Variants in CFAP299 observed in about 807,000 individuals in gnomAD.
CFAP299 encodes the protein cilia- and flagella-associated protein 299.
Under a neutral mutation model 27.0 loss-of-function variants are expected in CFAP299, and 21 were observed. The observed-to-expected ratio is 0.78, with a 90% CI of 0.55 to 1.12. The LOEUF (loss-of-function observed/expected upper bound fraction) is 1.12, where lower values mean the gene tolerates loss of function less well. CFAP299 is among the 50% of genes most tolerant of loss of function. The pLI is 0.00. For missense variants in CFAP299, 310 were observed against 276.6 expected (o/e 1.12, Z -0.86); for synonymous variants, 104 against 98.1 (o/e 1.06, Z -0.36).
intron 3 of CFAP299, among the ~76,000 whole-genome samples, chr4:80,676,848 T>A (rs1004160789): frequency 6.6e-6 from 1 of 152,138 alleles, no homozygotes; most frequent in African/African-American, 2.4e-5. Context: ...TCTCTTCTTA[T>A]GTTAGTATAG....
At chr4:80,750,483 TAC>T (rs1724873810) in intron 3 of CFAP299, among the ~76,000 whole-genome samples, 1 of 152,224 alleles carries the variant, frequency 6.6e-6, no homozygotes, top group Non-Finnish European at 1.5e-5. Context: ...CCTGTGGCTT[TAC>T]AGTCTTGGAA....
At position 80,508,372 on chromosome 4, in the gene CFAP299, G is replaced by A. The variant is rs1578531754; in HGVS notation, c.243-74721G>A. On this transcript the variant is annotated intron_variant, in intron 2 of 5. Coordinates refer to ENST00000358105, the MANE Select transcript of CFAP299 (RefSeq NM_152770.3). ...TCCCGAATTTACAACCAACTCTGTG[G>A]GATGGATTGCTCCCATATAAATAAT... is the stretch of plus-strand genomic sequence containing the variant. Among the ~76,000 whole-genome samples the A allele has an allele frequency of 2.6e-5, 4 of 152,192 alleles. No individual in the cohort carries two copies. The South Asian group carries it at 8.3e-4, about 32-fold the overall frequency.
chr4:80,462,793 A>ATTTTGCTGAGTT (rs1257538404), intron 2 of CFAP299, among the ~76,000 whole-genome samples: 5 of 152,218 alleles, frequency 3.3e-5, no homozygotes, highest in Middle Eastern at 6.8e-3. Context: ...TCATTAGTCT[A>ATTTTGCTGAGTT]TTACTCAGCA....
intron 3 of CFAP299, among the ~76,000 whole-genome samples, chr4:80,693,761 G>T (rs1720910143): frequency 1.3e-5 from 2 of 151,466 alleles, no homozygotes; most frequent in Non-Finnish European, 2.9e-5. Context: ...GCGTGGCTTG[G>T]TCAGAGAAAG....
chr4:80,901,757 A>G (rs944668576), intron 4 of CFAP299, among the ~76,000 whole-genome samples: 1 of 152,048 alleles, frequency 6.6e-6, no homozygotes, highest in Non-Finnish European at 1.5e-5. Context: ...TTTCTTTCAT[A>G]TATGGTTACC....
chr4:80,394,011 C>A (rs1481143510), intron 2 of CFAP299, among the ~76,000 whole-genome samples: 1 of 152,128 alleles, frequency 6.6e-6, no homozygotes. Flanking sequence ...CTCATGAGAT[C>A]TGATGGTTTC....
At chr4:80,954,976 G>A (rs1737980870) in intron 5 of CFAP299, among the ~76,000 whole-genome samples, 1 of 115,800 alleles carries the variant, frequency 8.6e-6, no homozygotes, top group East Asian at 3.0e-4. Flanking sequence ...CTCCAGCCTG[G>A]GTGACAGAGC....
intron 2 of CFAP299, among the ~76,000 whole-genome samples, chr4:80,468,833 CAA>C (rs762711937): frequency 0.28 from 19,277 of 69,142 alleles, 661 homozygotes; most frequent in South Asian, 0.37. Context: ...GACTCTGTCT[CAA>C]AAAAAAAAAA....
intron 3 of CFAP299, among the ~76,000 whole-genome samples, chr4:80,642,772 A>T (rs1330875753): frequency 2.6e-5 from 4 of 152,294 alleles, no homozygotes; most frequent in South Asian, 2.1e-4. Flanking sequence ...CAAAAAGAAT[A>T]AAAAAAGTAA....
At chr4:80,584,821 A>G (rs761603302) in intron 3 of CFAP299, among the ~76,000 whole-genome samples, 1 of 152,034 alleles carries the variant, frequency 6.6e-6, no homozygotes, top group Non-Finnish European at 1.5e-5. Context: ...AAGTGGCTCT[A>G]TATGAGGCAT....
At position 80,583,192 on chromosome 4, in the gene CFAP299, A is replaced by G. The variant is rs750136970; in HGVS notation, c.333+9A>G. ...GCAGTGGAAAACTGAGTGTAAGTAC[A>G]TTTCATCCAACAGCTTAAAATGTAT... On this transcript the variant is annotated intron_variant, in intron 3 of 5. Coordinates refer to ENST00000358105, the MANE Select transcript of CFAP299 (RefSeq NM_152770.3). 2 of 1,568,328 alleles carry G rather than the reference A, an allele frequency of 1.3e-6. No homozygotes were observed. The highest frequency in any genetic ancestry group is 2.3e-5 in the East Asian group (1 of 44,214).
chr4:80,348,676 T>C (rs1368462129), intron 1 of CFAP299, among the ~76,000 whole-genome samples: 1 of 152,168 alleles, frequency 6.6e-6, no homozygotes, highest in Non-Finnish European at 1.5e-5. Context: ...GCCAACACCT[T>C]GCTGTTCGAC....
chr4:80,445,981 C>T (rs373962377), intron 2 of CFAP299, among the ~76,000 whole-genome samples: 66 of 152,218 alleles, frequency 4.3e-4, no homozygotes, highest in African/African-American at 1.5e-3. Flanking sequence ...TCTTTCACTC[C>T]GCCTGAAAGT....
chr4:80,557,962 A>G (rs968340565), intron 2 of CFAP299, among the ~76,000 whole-genome samples: 7 of 152,146 alleles, frequency 4.6e-5, no homozygotes, highest in African/African-American at 1.7e-4. Context: ...TTTCAAGTGC[A>G]CACTTGAAGG....
At chr4:80,671,662 T>C (rs924486615) in intron 3 of CFAP299, among the ~76,000 whole-genome samples, 14 of 152,330 alleles carry the variant, frequency 9.2e-5, no homozygotes, top group African/African-American at 3.4e-4. Context: ...GTGTCCTCTT[T>C]TATTTTGTTG....
intron 4 of CFAP299, among the ~76,000 whole-genome samples, chr4:80,926,078 A>G (rs1051951177): frequency 2.7e-4 from 41 of 152,232 alleles, no homozygotes; most frequent in Admixed American, 9.8e-4. Flanking sequence ...TGCAGAACTT[A>G]GCTAGATGAA....
chr4:80,743,341 A>G (rs1724392650), intron 3 of CFAP299, among the ~76,000 whole-genome samples: 1 of 152,188 alleles, frequency 6.6e-6, no homozygotes, highest in Admixed American at 6.5e-5. Flanking sequence ...ACATTTGTAT[A>G]TATTATTTTC....
chr4:80,630,723 A>G (rs1739165029), intron 3 of CFAP299, among the ~76,000 whole-genome samples: 1 of 152,092 alleles, frequency 6.6e-6, no homozygotes, highest in Non-Finnish European at 1.5e-5. Flanking sequence ...CATATTATCG[A>G]GTAATATATT....
chr4:80,500,272 C>T (rs1731677322), intron 2 of CFAP299, among the ~76,000 whole-genome samples: 1 of 152,092 alleles, frequency 6.6e-6, no homozygotes, highest in African/African-American at 2.4e-5. Context: ...AAGGCATTCT[C>T]CTGGGCCTTC....
Sources: allele counts gnomAD v4.1 joint callset (sites outside exome capture counted in the v4.1 genomes callset), GRCh38; gene constraint gnomAD v4.1.1; transcripts MANE v1.5; gene names NCBI Gene and HGNC (gene_info 2026-07-23, HGNC 2026-07-21).